The following NOP14 variants were observed in gnomAD, a reference collection of about 807,000 sequenced individuals.
NOP14 encodes NOP14 nucleolar protein, also known as nucleolar protein 14.
In NOP14, 57 loss-of-function variants were observed where a neutral mutation model predicts 101.6. The ratio of observed to expected loss-of-function variants is 0.56; its 90% CI spans 0.45 to 0.70. The LOEUF (loss-of-function observed/expected upper bound fraction) is 0.70. Among genes scored for constraint, NOP14 ranks in the 30% least tolerant of loss-of-function variants. The pLI is 0.00. For missense variants in NOP14, 1,134 were observed against 1,075.5 expected (o/e 1.05, Z -0.76); for synonymous variants, 428 against 424.0 (o/e 1.01, Z -0.12).
Position 2,938,319 on chromosome 4 carries a change from G to A in NOP14, c.*512C>T, listed in dbSNP as rs767543806. The stretch of plus-strand genomic sequence containing the variant: ...GTGGATTACCTGAGGTCGGGAATTC[G>A]AGACCAGCCTGACCAACATGGAGAA... On this transcript the variant is annotated 3_prime_UTR_variant, in exon 18 of 18. Coordinates refer to ENST00000416614, the MANE Select transcript of NOP14 (RefSeq NM_001291978.2). The A allele has an allele frequency of 1.5e-5, 12 of 813,672 alleles. No homozygotes were observed. The highest frequency in any genetic ancestry group is 2.4e-5 in the Admixed American group (1 of 42,030). 50.4% of individuals were successfully genotyped at this position (813,672 alleles called of 1,614,324 possible).
Position 2,956,658 on chromosome 4 carries a change from C to G in NOP14, c.472+12G>C, listed in dbSNP as rs1353625498. 2 of 1,610,024 alleles carry G rather than the reference C, an allele frequency of 1.2e-6. No homozygotes were observed. The highest frequency in any genetic ancestry group is 1.7e-6 in the Non-Finnish European group (2 of 1,178,748). Reference sequence around the variant, plus strand: ...CACGCCCACAGGCCCGTGCACAGCACCCCAGCCTCACCAGACAACGTTCCT... The same window carrying G: ...CACGCCCACAGGCCCGTGCACAGCAGCCCAGCCTCACCAGACAACGTTCCT... On this transcript the variant is annotated intron_variant, in intron 3 of 17. Coordinates refer to ENST00000416614, the MANE Select transcript of NOP14 (RefSeq NM_001291978.2).
In NOP14 at chr4:2,938,460, T is replaced by C. The variant is rs772718237; in HGVS notation, c.*371A>G. Reference sequence around the variant, plus strand: ...GCTTGAACCCAGGAGGTGGAGGTTGTGCCATTGCACTCCAGCCTGGGCAAC... The same window carrying C: ...GCTTGAACCCAGGAGGTGGAGGTTGCGCCATTGCACTCCAGCCTGGGCAAC... On this transcript the variant is annotated 3_prime_UTR_variant, in exon 18 of 18. Transcript: ENST00000416614. 11 of 347,648 alleles carry C rather than the reference T, an allele frequency of 3.2e-5. 1 individual carries two copies. Among genetic ancestry groups the C allele is most frequent in the Admixed American group, 8.1e-5 (2 of 24,636 alleles). The allele number at this position is 347,648 out of a possible 1,614,324, so 21.5% of individuals were successfully genotyped here.
chr4:2,946,800 C>T, intron 10 of NOP14: 2 of 499,544 alleles, frequency 4.0e-6, no homozygotes, highest in Non-Finnish European at 3.6e-6. Flanking sequence ...GTTGGGGGCA[C>T]CACTCTGTGT....
chr4:2,941,742 G>A lies in NOP14; in HGVS notation c.2052-13C>T, dbSNP rs1282692436. ...CAGGCAGGACAGTCTGTGAGGGCAG[G>A]AGGCAAGAGGAGGTCCAACTTGTTC... is the stretch of plus-strand genomic sequence containing the variant. On this transcript the variant is annotated splice_polypyrimidine_tract_variant and intron_variant, in intron 14 of 17. Transcript: ENST00000416614. 1 of 1,609,112 alleles carries A rather than the reference G, an allele frequency of 6.2e-7. No individual in the cohort carries two copies. The highest frequency in any genetic ancestry group is 8.5e-7 in the Non-Finnish European group (1 of 1,178,410).
chr4:2,948,698 G>A (rs1463255882), intron 8 of NOP14, among the ~76,000 whole-genome samples: 7 of 152,200 alleles, frequency 4.6e-5, no homozygotes, highest in Non-Finnish European at 8.8e-5. Flanking sequence ...CAGGTGATCC[G>A]CCTGCCTAGG....
chr4:2,955,464 C>G (rs1010707401), intron 3 of NOP14, among the ~76,000 whole-genome samples: 2 of 141,778 alleles, frequency 1.4e-5, no homozygotes, highest in Non-Finnish European at 3.1e-5. Flanking sequence ...AGCGCCCCCT[C>G]TAGTCACCTG....
chr4:2,941,219 T>C lies in NOP14; in HGVS notation c.2199+363A>G, dbSNP rs141153313. The C allele has an allele frequency of 2.3e-3, 532 of 233,374 alleles. 1 individual carries two copies. The highest frequency in any genetic ancestry group is 0.012 in the African/African-American group (511 of 43,378). 14.5% of individuals were successfully genotyped at this position (233,374 alleles called of 1,614,324 possible). A position where few individuals can be genotyped will look rare whatever the true frequency, so the allele number is the denominator to read the frequency against. On this transcript the variant is annotated intron_variant, in intron 15 of 17. Coordinates refer to ENST00000416614, the MANE Select transcript of NOP14 (RefSeq NM_001291978.2). ...GGGCTTCCTGTCACCTTGTGCAGGA[T>C]AGTGAGACCATCCTTGGAAAACCCA...
At chr4:2,944,772 T>G (rs1714489743) in intron 12 of NOP14, among the ~76,000 whole-genome samples, 1 of 152,336 alleles carries the variant, frequency 6.6e-6, no homozygotes. Context: ...ACTAAGCATG[T>G]ACCAATCACA....
At chr4:2,940,327 C>A (rs1338747005) in intron 15 of NOP14, 1 of 152,326 alleles carries the variant, frequency 6.6e-6, no homozygotes, top group African/African-American at 2.4e-5. Context: ...CTGGCTGCAC[C>A]CACAGATACA....
chr4:2,941,884 G>C (rs1055978808), intron 14 of NOP14, 155 bp from the exon 15 acceptor site: 2 of 852,020 alleles, frequency 2.3e-6, no homozygotes, highest in Non-Finnish European at 3.6e-6. Context: ...GCAACCACGG[G>C]CAAGGCAGGC....
intron 13 of NOP14, 50 bp downstream of exon 13, chr4:2,944,023 A>G (rs1177604353): frequency 6.6e-7 from 1 of 1,509,776 alleles, no homozygotes; most frequent in Non-Finnish European, 9.0e-7. Flanking sequence ...CTACTTAAAA[A>G]AATTCTAAAG....
At chr4:2,938,951 A>G (rs1180763731) in intron 17 of NOP14, 21 bp from the exon 18 acceptor site, 5 of 1,606,712 alleles carry the variant, frequency 3.1e-6, no homozygotes, top group Non-Finnish European at 4.3e-6. Flanking sequence ...CAAAAGGCAA[A>G]TGCCCATTTT....
chr4:2,953,216 C>A (rs1715141947), intron 5 of NOP14, among the ~76,000 whole-genome samples: 1 of 152,190 alleles, frequency 6.6e-6, no homozygotes, highest in Non-Finnish European at 1.5e-5. Context: ...TATCAACAGA[C>A]AAACATGTCA....
At chr4:2,962,703 CAT>C (rs1716151633) in intron 1 of NOP14, among the ~76,000 whole-genome samples, 1 of 151,846 alleles carries the variant, frequency 6.6e-6, no homozygotes, top group Non-Finnish European at 1.5e-5. Context: ...AATGAGTTTC[CAT>C]AGAGTTACTT....
At position 2,938,656 on chromosome 4, in the gene NOP14, C is replaced by T. The variant is rs932958894; in HGVS notation, c.*175G>A. The stretch of plus-strand genomic sequence containing the variant: ...GAGTAGTTGGGACTACAGGTGCGTG[C>T]CACCACACTTGGCTAATTTTTATGT... On this transcript the variant is annotated 3_prime_UTR_variant, in exon 18 of 18. Coordinates refer to ENST00000416614, the MANE Select transcript of NOP14 (RefSeq NM_001291978.2). 1.2e-5 allele frequency: 7 copies of T among 593,962 alleles called. No individual in the cohort carries two copies. The highest frequency in any genetic ancestry group is 5.6e-5 in the African/African-American group (3 of 53,638). The allele number at this position is 593,962 out of a possible 1,614,324, so 36.8% of individuals were successfully genotyped here.
At chr4:2,948,510 A>G in intron 8 of NOP14, 102 bp from the exon 9 acceptor site, 1 of 909,358 alleles carries the variant, frequency 1.1e-6, no homozygotes. Flanking sequence ...GCTGGAGTGC[A>G]GTGGTGCAAT....
intron 1 of NOP14, among the ~76,000 whole-genome samples, chr4:2,962,352 T>G (rs1251486664): frequency 1.3e-5 from 2 of 152,234 alleles, no homozygotes; most frequent in South Asian, 4.1e-4. Context: ...CTATTCATTA[T>G]ACAGGCTGTC....
At chr4:2,961,639 T>C (rs1415669416) in intron 1 of NOP14, 1 of 152,290 alleles carries the variant, frequency 6.6e-6, no homozygotes, top group South Asian at 2.1e-4. Context: ...ACCGGGACAA[T>C]GTGCCTTTGC....
intron 15 of NOP14, 118 bp downstream of exon 15, chr4:2,941,464 G>T: frequency 1.1e-6 from 1 of 891,510 alleles, no homozygotes; most frequent in Non-Finnish European, 1.7e-6. Context: ...TTGTGATTTT[G>T]CAAAGATGGT....
Sources: gnomAD v4.1 joint callset for allele counts (sites outside exome capture counted in the v4.1 genomes callset) on GRCh38, gnomAD v4.1.1 for gene constraint, MANE v1.5 for transcripts, NCBI Gene and HGNC (gene_info 2026-07-23, HGNC 2026-07-21) for gene names.